Variants in SEMA6D observed in about 807,000 individuals in gnomAD.
SEMA6D encodes the protein semaphorin-6D.
SEMA6D carries 35 observed loss-of-function variants against 106.6 expected under a neutral mutation model. The ratio of observed to expected loss-of-function variants is 0.33; its 90% confidence interval spans 0.25 to 0.44. The LOEUF is 0.44. SEMA6D is among the 20% of genes least tolerant of loss of function. The pLI is 1.00. For synonymous variants in SEMA6D, 499 were observed against 487.7 expected, an observed-to-expected ratio of 1.02 and a Z score of -0.31; for missense variants, 1,185 against 1,345.9, an observed-to-expected ratio of 0.88 and a Z score of 1.87.
chr15:47,718,135 G>A (rs2079199735), intron 1 of SEMA6D, among the ~76,000 whole-genome samples: 1 of 152,216 alleles, frequency 6.6e-6, no homozygotes, highest in Non-Finnish European at 1.5e-5. Flanking sequence ...GGTTAGCAGG[G>A]GTTGCTTCTC....
chr15:47,328,371 A>G (rs2037213681), intron 1 of SEMA6D, among the ~76,000 whole-genome samples: 1 of 152,178 alleles, frequency 6.6e-6, no homozygotes, highest in Non-Finnish European at 1.5e-5. Flanking sequence ...CCTGTTCCTG[A>G]AAATCCTGAT....
chr15:47,665,224 C>A (rs1231171973), intron 4 of SEMA6D, among the ~76,000 whole-genome samples: 4 of 152,168 alleles, frequency 2.6e-5, no homozygotes, highest in African/African-American at 9.7e-5. Flanking sequence ...AAAGCAGGGA[C>A]AAAGAAAATC....
intron 1 of SEMA6D, among the ~76,000 whole-genome samples, chr15:47,750,861 G>C (rs1378266630): frequency 5.3e-5 from 8 of 152,178 alleles, no homozygotes; most frequent in African/African-American, 1.7e-4. Flanking sequence ...CCTGCACACA[G>C]AAGCTGCATG....
chr15:47,609,788 C>A (rs545883452), intron 4 of SEMA6D, among the ~76,000 whole-genome samples: 2 of 152,298 alleles, frequency 1.3e-5, no homozygotes, highest in South Asian at 4.1e-4. Flanking sequence ...CCAGGTGATA[C>A]CGCATGTGTA....
chr15:47,662,863 A>G (rs1030989290), intron 4 of SEMA6D, among the ~76,000 whole-genome samples: 15 of 123,340 alleles, frequency 1.2e-4, no homozygotes, highest in African/African-American at 4.1e-4. Context: ...GAGCGCACAC[A>G]CACACACACA....
intron 3 of SEMA6D, among the ~76,000 whole-genome samples, chr15:47,509,411 T>C (rs183118786): frequency 1.3e-5 from 2 of 152,300 alleles, no homozygotes; most frequent in East Asian, 3.9e-4. Flanking sequence ...GTGGCTTAAT[T>C]ATCAAACCCT....
At chr15:47,742,750 C>A (rs559291779) in intron 1 of SEMA6D, among the ~76,000 whole-genome samples, 1 of 152,264 alleles carries the variant, frequency 6.6e-6, no homozygotes, top group East Asian at 1.9e-4. Flanking sequence ...CCAGTTCTTT[C>A]CCCCAGTCCT....
Position 47,766,094 on chromosome 15 carries a change from G to C in SEMA6D, c.1569-11G>C. 6.2e-7 allele frequency: 1 copy of C among 1,613,524 alleles called. No homozygotes were observed. The highest frequency in any genetic ancestry group is 8.5e-7 in the Non-Finnish European group (1 of 1,179,670). On this transcript the variant is annotated splice_polypyrimidine_tract_variant and intron_variant, in intron 14 of 18. Coordinates refer to ENST00000536845, the MANE Select transcript of SEMA6D (RefSeq NM_001358351.3). ...GAAAATCCAAGTTACATTCTGTTTGGTTTTACACAGGTCTTGTATTGCATC... is the reference window on the plus strand; with the variant it reads ...GAAAATCCAAGTTACATTCTGTTTGCTTTTACACAGGTCTTGTATTGCATC...
rs149616526 is a variant in SEMA6D at position 47,467,765 on chromosome 15, G to A, written c.-158-2709G>A. ...ATTGATATAGTTCTTTATCACTGTC[G>A]TAATTATTTCTGTAAGACCTACACC... is the stretch of plus-strand genomic sequence containing the variant. On this transcript the variant is annotated intron_variant, in intron 2 of 19. Transcript: ENST00000558014. Among the ~76,000 whole-genome samples the A allele has an allele frequency of 1.3e-4, 20 of 151,950 alleles. No individual in the cohort carries two copies. In the East Asian group the frequency reaches 1.6e-3, roughly 12 times the overall value.
chr15:47,361,623 C>T (rs940522558), intron 1 of SEMA6D, among the ~76,000 whole-genome samples: 1 of 152,158 alleles, frequency 6.6e-6, no homozygotes, highest in Non-Finnish European at 1.5e-5. Context: ...CTGTTGCAGT[C>T]CCAATGTGCT....
intron 4 of SEMA6D, among the ~76,000 whole-genome samples, chr15:47,675,961 G>A (rs552508916): frequency 6.8e-6 from 1 of 145,988 alleles, no homozygotes; most frequent in East Asian, 2.2e-4. Context: ...GGGGGGAGGG[G>A]GGAGAAGCCT....
chr15:47,366,054 C>T (rs955046078), intron 1 of SEMA6D, among the ~76,000 whole-genome samples: 5 of 152,266 alleles, frequency 3.3e-5, no homozygotes, highest in East Asian at 3.9e-4. Flanking sequence ...TATGAACTGA[C>T]CTCCTTTTTT....
chr15:47,552,522 G>GTA (rs1491217182), intron 3 of SEMA6D, among the ~76,000 whole-genome samples: 1 of 49,750 alleles, frequency 2.0e-5, no homozygotes, highest in African/African-American at 4.3e-5. Flanking sequence ...GTATATATAT[G>GTA]TATACACACA....
chr15:47,262,383 G>C (rs1598261), intron 1 of SEMA6D, among the ~76,000 whole-genome samples: 9 of 151,950 alleles, frequency 5.9e-5, no homozygotes, highest in Non-Finnish European at 1.3e-4. Flanking sequence ...ATTGGCTCAC[G>C]GTTCCATATG....
chr15:47,756,265 C>G (rs1324429977), intron 1 of SEMA6D, among the ~76,000 whole-genome samples: 1 of 151,920 alleles, frequency 6.6e-6, no homozygotes, highest in Non-Finnish European at 1.5e-5. Flanking sequence ...AAGAATGCCC[C>G]TGTCATTGTT....
At chr15:47,761,842 A>T in intron 7 of SEMA6D, 91 bp downstream of exon 7, 1 of 1,096,326 alleles carries the variant, frequency 9.1e-7, no homozygotes, top group Non-Finnish European at 1.3e-6. Context: ...AATAACTTGG[A>T]TACCCACCTT....
chr15:47,224,959 T>C (rs1190793130), intron 1 of SEMA6D, among the ~76,000 whole-genome samples: 1 of 151,818 alleles, frequency 6.6e-6, no homozygotes, highest in Non-Finnish European at 1.5e-5. Flanking sequence ...CAGCAGATCC[T>C]TGTTCTGATA....
At chr15:47,369,920 A>G (rs1242905242) in intron 1 of SEMA6D, among the ~76,000 whole-genome samples, 1 of 152,224 alleles carries the variant, frequency 6.6e-6, no homozygotes, top group African/African-American at 2.4e-5. Flanking sequence ...TGTTTTAAGC[A>G]CATTGCATTG....
chr15:47,227,640 G>A (rs1304669809), intron 1 of SEMA6D, among the ~76,000 whole-genome samples: 2 of 147,114 alleles, frequency 1.4e-5, no homozygotes, highest in African/African-American at 5.0e-5. Flanking sequence ...TATGAGGCCA[G>A]CAGTGCGTGT....
Sources: allele counts gnomAD v4.1 joint callset (sites outside exome capture counted in the v4.1 genomes callset), GRCh38; gene constraint gnomAD v4.1.1; transcripts MANE v1.5; gene names NCBI Gene and HGNC (gene_info 2026-07-23, HGNC 2026-07-21).